KALRN: variants seen among roughly 807,000 people sequenced by gnomAD.
The protein encoded by KALRN is kalirin RhoGEF kinase, also known as kalirin.
KALRN carries 70 observed loss-of-function variants against 353.7 expected under a neutral mutation model. The observed-to-expected ratio is 0.20, with a 90% confidence interval of 0.16 to 0.24. The LOEUF (loss-of-function observed/expected upper bound fraction) is 0.24, where lower values mean the gene tolerates loss of function less well. KALRN is among the 10% of genes least tolerant of loss of function. The pLI is 1.00. For synonymous variants in KALRN, 1,391 were observed against 1,434.8 expected (o/e 0.97, Z 0.69); for missense variants, 2,791 against 3,756.7 (o/e 0.74, Z 6.72).
chr3:124,160,177 G>A (rs147148842), intron 1 of KALRN, among the ~76,000 whole-genome samples: 25 of 150,248 alleles, frequency 1.7e-4, no homozygotes, highest in Admixed American at 3.3e-4. Context: ...ATCCAATGAC[G>A]GGTGTTCTTG....
intron 34 of KALRN, among the ~76,000 whole-genome samples, chr3:124,605,505 G>A (rs1040985213): frequency 6.6e-6 from 1 of 151,734 alleles, no homozygotes; most frequent in Non-Finnish European, 1.5e-5. Flanking sequence ...CCCAGCAGGC[G>A]GAGGTTGCAG....
At chr3:124,205,977 G>A (rs2076376903) in intron 1 of KALRN, among the ~76,000 whole-genome samples, 1 of 152,126 alleles carries the variant, frequency 6.6e-6, no homozygotes, top group Non-Finnish European at 1.5e-5. Flanking sequence ...AAGAAACCAT[G>A]TGTATTCTTT....
chr3:124,417,007 C>T (rs1402114456), intron 14 of KALRN, among the ~76,000 whole-genome samples: 1 of 152,170 alleles, frequency 6.6e-6, no homozygotes, highest in Non-Finnish European at 1.5e-5. Context: ...TCTACTAAAT[C>T]CCTCTGGTGT....
chr3:124,613,841 C>T (rs1239933164), intron 34 of KALRN, among the ~76,000 whole-genome samples: 3 of 152,220 alleles, frequency 2.0e-5, no homozygotes, highest in Non-Finnish European at 4.4e-5. Context: ...CATTCTTCAG[C>T]CTGTGGCCTT....
At chr3:124,286,323 C>A (rs2075903453) in intron 5 of KALRN, among the ~76,000 whole-genome samples, 1 of 150,782 alleles carries the variant, frequency 6.6e-6, no homozygotes, top group Admixed American at 6.6e-5. Context: ...TTTTGTGCTG[C>A]AAACTCCGCC....
chr3:124,078,504 A>C (rs1211026199), intron 1 of KALRN, among the ~76,000 whole-genome samples: 2 of 152,162 alleles, frequency 1.3e-5, no homozygotes, highest in South Asian at 2.1e-4. Flanking sequence ...TAGAGTGGCC[A>C]TAATGCATGT....
At chr3:124,195,834 C>A (rs193207582) in intron 1 of KALRN, among the ~76,000 whole-genome samples, 52 of 152,332 alleles carry the variant, frequency 3.4e-4, no homozygotes, top group African/African-American at 1.3e-3. Flanking sequence ...TAATTTCAGA[C>A]GCTTGCATCA....
intron 41 of KALRN, among the ~76,000 whole-genome samples, chr3:124,658,054 C>T (rs573644501): frequency 2.6e-5 from 4 of 152,160 alleles, no homozygotes; most frequent in Admixed American, 6.5e-5. Context: ...CTTGGGGGGG[C>T]GGAGGCAGGA....
At chr3:124,197,800 C>G (rs1158489655) in intron 1 of KALRN, among the ~76,000 whole-genome samples, 1 of 152,146 alleles carries the variant, frequency 6.6e-6, no homozygotes, top group Non-Finnish European at 1.5e-5. Flanking sequence ...TGCAGTTCAT[C>G]TAGAAATGTT....
intron 11 of KALRN, among the ~76,000 whole-genome samples, chr3:124,385,899 C>A (rs934459666): frequency 1.3e-5 from 2 of 151,512 alleles, no homozygotes; most frequent in Admixed American, 6.6e-5. Context: ...ATGCTTGTGT[C>A]CCCCCCCAGG....
chr3:124,268,194 C>T (rs934393366), intron 4 of KALRN, among the ~76,000 whole-genome samples: 7 of 152,134 alleles, frequency 4.6e-5, no homozygotes, highest in African/African-American at 1.4e-4. Context: ...AAACCAAGGG[C>T]GCAGACTCCC....
At chr3:124,048,309 T>G (rs1336173020) in intron 1 of KALRN, among the ~76,000 whole-genome samples, 24 of 152,204 alleles carry the variant, frequency 1.6e-4, no homozygotes, top group Admixed American at 1.6e-3. Flanking sequence ...CTCCCTTATG[T>G]TTAGATAAAT....
At chr3:124,298,708 T>A (rs1023163406) in intron 5 of KALRN, 83 bp from the exon 6 acceptor site, 120 of 1,513,766 alleles carry the variant, frequency 7.9e-5, no homozygotes, top group Middle Eastern at 6.8e-4. Flanking sequence ...GGAGAGCTTT[T>A]TCCCCTTCCA....
intron 10 of KALRN, among the ~76,000 whole-genome samples, chr3:124,365,779 C>T (rs2084609525): frequency 6.6e-6 from 1 of 152,216 alleles, no homozygotes; most frequent in South Asian, 2.1e-4. Context: ...TTCTGTGCTG[C>T]TGTTAGTTCT....
At chr3:124,611,260 G>A (rs991489442) in intron 34 of KALRN, among the ~76,000 whole-genome samples, 2 of 152,190 alleles carry the variant, frequency 1.3e-5, no homozygotes, top group Admixed American at 6.5e-5. Flanking sequence ...TAACATCAGA[G>A]ATGGGAGCAT....
chr3:124,150,381 C>G (rs541827381), intron 1 of KALRN, among the ~76,000 whole-genome samples: 2 of 151,828 alleles, frequency 1.3e-5, no homozygotes, highest in African/African-American at 4.8e-5. Context: ...AAGGAATGTT[C>G]AAGTTTTTTA....
At chr3:124,426,346 A>G (rs551860328) in intron 15 of KALRN, among the ~76,000 whole-genome samples, 2 of 152,306 alleles carry the variant, frequency 1.3e-5, no homozygotes, top group South Asian at 4.1e-4. Flanking sequence ...TATAGTCTCA[A>G]AAAAGAAAGA....
chr3:124,157,948 T>G (rs2069261303), intron 1 of KALRN, among the ~76,000 whole-genome samples: 1 of 152,176 alleles, frequency 6.6e-6, no homozygotes, highest in African/African-American at 2.4e-5. Context: ...TGTGGGAACC[T>G]CCTGTGATGG....
intron 1 of KALRN, among the ~76,000 whole-genome samples, chr3:124,102,187 A>C (rs2061924931): frequency 6.6e-6 from 1 of 152,172 alleles, no homozygotes; most frequent in Admixed American, 6.5e-5. Context: ...AGAGTTATTT[A>C]ATTGGCTTTT....
Sources: allele counts gnomAD v4.1 joint callset (sites outside exome capture counted in the v4.1 genomes callset), GRCh38; gene constraint gnomAD v4.1.1; transcripts MANE v1.5; gene names NCBI Gene and HGNC (gene_info 2026-07-23, HGNC 2026-07-21).